ACOT1: variants seen among roughly 807,000 people sequenced by gnomAD.
ACOT1 encodes acyl-coenzyme A thioesterase 1.
ACOT1 carries 8 observed loss-of-function variants against 15.7 expected under a neutral mutation model. The ratio of observed to expected loss-of-function variants is 0.51; its 90% CI spans 0.30 to 0.92. The LOEUF (loss-of-function observed/expected upper bound fraction) is 0.92. Ranked by LOEUF, ACOT1 falls within the 40% of genes least tolerant of loss-of-function variation. ACOT1 has a pLI of 0.06. For missense variants in ACOT1, 151 were observed against 539.4 expected (o/e 0.28, Z 7.13); for synonymous variants, 67 against 241.2 (o/e 0.28, Z 6.69).
chr14:73,516,026 T>C, the ACOT1 span, among the ~76,000 whole-genome samples: 3 of 59,036 alleles, frequency 5.1e-5, no homozygotes, highest in Non-Finnish European at 8.0e-5. Context: ...GTCTTAGATC[T>C]CTGATATTTA....
chr14:73,491,258 G>T, the ACOT1 span: 1 of 1,578,508 alleles, frequency 6.3e-7, no homozygotes, highest in Admixed American at 1.8e-5. Context: ...CGCGCTACCC[G>T]GTGGGGCGGC....
the ACOT1 span, among the ~76,000 whole-genome samples, chr14:73,527,632 A>G: frequency 6.6e-6 from 1 of 151,992 alleles, no homozygotes; most frequent in Non-Finnish European, 1.5e-5. Flanking sequence ...CAACAGCAGA[A>G]TTGGTCAAGC....
the ACOT1 span, chr14:73,509,561 C>A: frequency 7.3e-7 from 1 of 1,364,394 alleles, no homozygotes; most frequent in African/African-American, 1.4e-5. Flanking sequence ...TGGTGGCCAA[C>A]CTCAGTCCCA....
the ACOT1 span, among the ~76,000 whole-genome samples, chr14:73,509,870 TTATTTA>T: frequency 3.5e-4 from 23 of 65,122 alleles, 1 homozygote; most frequent in Non-Finnish European, 6.6e-4. Context: ...ATATATATAT[TTATTTA>T]TTTTATATAT....
the ACOT1 span, among the ~76,000 whole-genome samples, chr14:73,525,578 C>CTAGA: frequency 6.6e-6 from 1 of 152,122 alleles, no homozygotes; most frequent in East Asian, 1.9e-4. Context: ...AATAGAAAGG[C>CTAGA]TAGAGCAAGA....
chr14:73,506,380 AATAATAC>A, the ACOT1 span: 1 of 865,006 alleles, frequency 1.2e-6, no homozygotes, highest in Non-Finnish European at 1.9e-6. Context: ...GTAAGAATGG[AATAATAC>A]ATAGCAGCAA....
At chr14:73,523,685 A>G in the ACOT1 span, among the ~76,000 whole-genome samples, 7 of 152,062 alleles carry the variant, frequency 4.6e-5, no homozygotes, top group South Asian at 1.2e-3. Flanking sequence ...CACATAATGA[A>G]GCTTCCTTCT....
the ACOT1 span, chr14:73,496,563 T>C: frequency 7.5e-7 from 1 of 1,337,088 alleles, no homozygotes; most frequent in Non-Finnish European, 1.1e-6. Context: ...TTGAGAGTCC[T>C]GAATTTTCTC....
At chr14:73,505,692 C>T in the ACOT1 span, among the ~76,000 whole-genome samples, 7 of 151,888 alleles carry the variant, frequency 4.6e-5, no homozygotes, top group East Asian at 5.8e-4. Flanking sequence ...CGTGCCCGGC[C>T]GGGACTATGT....
chr14:73,506,608 C>T, the ACOT1 span: 12 of 1,474,594 alleles, frequency 8.1e-6, no homozygotes, highest in Admixed American at 1.7e-5. Flanking sequence ...TATTCACAAT[C>T]ACTTTTAGAG....
the ACOT1 span, chr14:73,496,460 G>A: frequency 3.3e-6 from 2 of 598,606 alleles, no homozygotes; most frequent in Non-Finnish European, 6.0e-6. Flanking sequence ...ATCTTCAAAT[G>A]ATGTGGCATC....
the ACOT1 span, chr14:73,522,567 C>T: frequency 1.2e-6 from 2 of 1,614,014 alleles, no homozygotes; most frequent in Non-Finnish European, 8.5e-7. Flanking sequence ...GCCTCCTTCT[C>T]AGGAGGCAGA....
At chr14:73,506,961 C>T in the ACOT1 span, among the ~76,000 whole-genome samples, 2 of 151,852 alleles carry the variant, frequency 1.3e-5, no homozygotes, top group East Asian at 1.9e-4. Flanking sequence ...CCACCACGCC[C>T]GGTTAATTTT....
chr14:73,527,049 C>T, the ACOT1 span, among the ~76,000 whole-genome samples: 1 of 152,094 alleles, frequency 6.6e-6, no homozygotes, highest in African/African-American at 2.4e-5. Context: ...ACAGGAGTAT[C>T]CAGGAGTTGG....
In ACOT1 at chr14:73,537,763, C is replaced by G. The variant is rs538289742; in HGVS notation, c.342C>G (p.Pro114=). Residue 114 remains proline, a synonymous_variant, in exon 1 of 3, where the codon CCC becomes CCG. Coordinates refer to ENST00000311148, the MANE Select transcript of ACOT1 (RefSeq NM_001037161.2). ...TGGAGGTGCTGGATGGCCACGACCC[C>G]GACCCCGGGCGGCTGCTGTGCCGGG... ...VELEVLDGHD[P]DPGRLLCRVR... 1.6e-6 allele frequency: 2 copies of G among 1,236,470 alleles called. No homozygotes were observed. The highest frequency in any genetic ancestry group is 2.5e-5 in the Admixed American group (1 of 39,754). The allele number at this position is 1,236,470 out of a possible 1,614,324, so 76.6% of individuals were successfully genotyped here. A position where few individuals can be genotyped will look rare whatever the true frequency, so the allele number is the denominator to read the frequency against.
At chr14:73,520,829 C>T in the ACOT1 span, 2 of 1,601,108 alleles carry the variant, frequency 1.2e-6, no homozygotes, top group Non-Finnish European at 8.5e-7. Flanking sequence ...TGTGCCCCTA[C>T]CACAGGGGCC....
the ACOT1 span, chr14:73,493,271 T>A: frequency 1.6e-6 from 1 of 641,022 alleles, no homozygotes; most frequent in Non-Finnish European, 2.7e-6. Flanking sequence ...GATATTAGAT[T>A]TTTTTTGGAA....
Position 73,541,640 on chromosome 14 carries a change from C to A in ACOT1, c.605C>A (p.Thr202Lys). 8.0e-7 allele frequency: 1 copy of A among 1,242,358 alleles called. No homozygotes were observed. Among genetic ancestry groups the A allele is most frequent in the African/African-American group, 1.6e-5 (1 of 61,116 alleles). 77.0% of individuals were successfully genotyped at this position (1,242,358 alleles called of 1,614,324 possible). A position where few individuals can be genotyped will look rare whatever the true frequency, so the allele number is the denominator to read the frequency against. Reference protein sequence around the residue: ...NYEDLPKTMETLHLEYFEEAV... With the variant: ...NYEDLPKTMEKLHLEYFEEAV... ...GAAGACCTCCCCAAGACCATGGAGACGCTCCATCTGGAGTACTTTGAAGAA... is the reference window on the plus strand; with the variant it reads ...GAAGACCTCCCCAAGACCATGGAGAAGCTCCATCTGGAGTACTTTGAAGAA... Residue 202 changes from threonine (T) to lysine (K), a missense_variant, in exon 2 of 3, where the codon ACG becomes AAG. By Grantham distance (78) the Thr-to-Lys change is moderately conservative (BLOSUM62 -1). Coordinates refer to ENST00000311148, the MANE Select transcript of ACOT1 (RefSeq NM_001037161.2).
At chr14:73,491,684 T>C in the ACOT1 span, 4 of 1,549,812 alleles carry the variant, frequency 2.6e-6, no homozygotes, top group Non-Finnish European at 2.6e-6. Context: ...CCGGCGCCTA[T>C]GGGAGCGCGA....
Sources: allele counts gnomAD v4.1 joint callset (sites outside exome capture counted in the v4.1 genomes callset), GRCh38; gene constraint gnomAD v4.1.1; transcripts MANE v1.5; gene names NCBI Gene and HGNC (gene_info 2026-07-23, HGNC 2026-07-21).